SLC4A8: variants seen among roughly 807,000 people sequenced by gnomAD.
SLC4A8 encodes the protein solute carrier family 4 member 8, also known as electroneutral sodium bicarbonate exchanger 1.
Under a neutral mutation model 125.0 loss-of-function variants are expected in SLC4A8, and 40 were observed. The observed-to-expected ratio is 0.32, with a 90% CI of 0.25 to 0.42. The LOEUF is 0.42. Ranked by LOEUF, SLC4A8 falls within the 10% of genes least tolerant of loss-of-function variation. The pLI is 1.00. For synonymous variants in SLC4A8, 456 were observed against 476.0 expected (o/e 0.96, Z 0.55); for missense variants, 863 against 1,355.1 (o/e 0.64, Z 5.70).
At chr12:51,487,857 G>A (rs1245629193) in intron 17 of SLC4A8, among the ~76,000 whole-genome samples, 1 of 152,236 alleles carries the variant, frequency 6.6e-6, no homozygotes, top group Non-Finnish European at 1.5e-5. Flanking sequence ...ATTCCATGCA[G>A]ATGGCTCCAC....
upstream of SLC4A8, among the ~76,000 whole-genome samples, chr12:51,423,415 A>T (rs1282802313): frequency 6.6e-6 from 1 of 152,204 alleles, no homozygotes; most frequent in Non-Finnish European, 1.5e-5. Flanking sequence ...TGAGGGTAGG[A>T]TGTGAATTCC....
In SLC4A8 at chr12:51,471,499, T is replaced by G; in HGVS notation, c.1871T>G (p.Met624Arg). The change falls in exon 14 of 25, where the codon ATG becomes AGG. Residue 624 changes from methionine to arginine, a missense_variant. Physicochemically the swap from Met to Arg is moderately conservative, Grantham distance 91. Transcript: ENST00000453097. ...CTGGCAGAGACCTACCCCATCCACA[T>G]GCACAGCCAGCTGGACCACCTTAGC... ...IHLAETYPIH[M>R]HSQLDHLSLY... 6.2e-7 allele frequency: 1 copy of G among 1,614,228 alleles called. No homozygotes were observed. Among genetic ancestry groups the G allele is most frequent in the Non-Finnish European group, 8.5e-7 (1 of 1,180,032 alleles).
At chr12:51,434,086 G>A (rs1565772737) in intron 1 of SLC4A8, among the ~76,000 whole-genome samples, 1 of 151,914 alleles carries the variant, frequency 6.6e-6, no homozygotes, top group Admixed American at 6.6e-5. Context: ...TGTTGCCCAG[G>A]CTGGTCTCGA....
chr12:51,416,211 G>GTTT lies in SLC4A8; in HGVS notation c.-111-24478_-111-24476dup, dbSNP rs57565585. Among the ~76,000 whole-genome samples the GTTT allele has an allele frequency of 8.4e-3, 690 of 82,446 alleles. 28 individuals are homozygous for GTTT. The highest frequency in any genetic ancestry group is 0.033 in the Middle Eastern group (3 of 92). The allele number at this position is 82,446 out of a possible 152,430, so 54.1% of individuals were successfully genotyped here. A position where few individuals can be genotyped will look rare whatever the true frequency, so the allele number is the denominator to read the frequency against. On this transcript the variant is annotated intron_variant, in intron 1 of 24. Transcript: ENST00000358657. Reference sequence around the variant, plus strand: ...TTTGCCTGTTTGATGGAGGTCTTTTGTTTTTTTTTTTTTTTTTTTTTGAGA... The same window carrying GTTT: ...TTTGCCTGTTTGATGGAGGTCTTTTGTTTTTTTTTTTTTTTTTTTTTTTTGAGA...
Position 51,460,177 on chromosome 12 carries a change from C to T in SLC4A8, c.1013+69C>T. On this transcript the variant is annotated intron_variant, in intron 8 of 24. Transcript: ENST00000453097. ...ATTTATGTAGTGCTGGTAGAAGAAA[C>T]CACTTAATACTGAAATTTAGAATTA... 2.6e-6 allele frequency: 3 copies of T among 1,156,862 alleles called. No individual in the cohort carries two copies. In the South Asian group the frequency reaches 3.7e-5, roughly 14 times the overall value. The allele number at this position is 1,156,862 out of a possible 1,614,324, so 71.7% of individuals were successfully genotyped here.
In SLC4A8 at chr12:51,433,857, T is replaced by G. The variant is rs1221257486; in HGVS notation, c.49-6851T>G. Among the ~76,000 whole-genome samples, 9 of 59,154 alleles carry G rather than the reference T, an allele frequency of 1.5e-4. 1 individual carries two copies. Among genetic ancestry groups the G allele is most frequent in the African/African-American group, 4.7e-4 (7 of 14,858 alleles). The allele number at this position is 59,154 out of a possible 152,430, so 38.8% of individuals were successfully genotyped here. On this transcript the variant is annotated intron_variant, in intron 1 of 24. Transcript: ENST00000453097. ...AACAATGAACACACCATCTGTTTTTTTTTTTTTTTTTTTTTTTTTTTGGTT... is the reference window on the plus strand; with the variant it reads ...AACAATGAACACACCATCTGTTTTTGTTTTTTTTTTTTTTTTTTTTTGGTT...
At chr12:51,396,893 A>G (rs1948273344) in intron 1 of SLC4A8, among the ~76,000 whole-genome samples, 1 of 150,304 alleles carries the variant, frequency 6.7e-6, no homozygotes, top group Admixed American at 6.6e-5. Flanking sequence ...TCCAAAATGG[A>G]ATTTATTATG....
chr12:51,448,572 G>T (rs1051834951), intron 2 of SLC4A8, among the ~76,000 whole-genome samples: 1 of 152,208 alleles, frequency 6.6e-6, no homozygotes, highest in Non-Finnish European at 1.5e-5. Flanking sequence ...CTTTCCTTTG[G>T]TGGCTTGTTG....
At position 51,479,103 on chromosome 12, in the gene SLC4A8, T is replaced by C. The variant is rs149841036; in HGVS notation, c.2172+3897T>C. Reference sequence around the variant, plus strand: ...TTCTCTTCTCTGACATTTTATTCAATTTGGGAACAGATGGGATTGGCAGGA... The same window carrying C: ...TTCTCTTCTCTGACATTTTATTCAACTTGGGAACAGATGGGATTGGCAGGA... On this transcript the variant is annotated intron_variant, in intron 16 of 24. Coordinates refer to ENST00000453097, the MANE Select transcript of SLC4A8 (RefSeq NM_001039960.3). 4.1e-3 allele frequency among the ~76,000 whole-genome samples: 619 copies of C among 152,338 alleles called. 2 individuals carry two copies. The highest frequency in any genetic ancestry group is 7.2e-3 in the Non-Finnish European group (491 of 68,030).
Position 51,510,622 on chromosome 12 carries a change from G to A in SLC4A8, c.*3184G>A, listed in dbSNP as rs1171851435. ...GTCTGTAAGATGCAAGATCAATCTA[G>A]TGTTTCAGCCAGTTCACTACTGACA... is the stretch of plus-strand genomic sequence containing the variant. On this transcript the variant is annotated 3_prime_UTR_variant, in exon 25 of 25. Coordinates refer to ENST00000453097, the MANE Select transcript of SLC4A8 (RefSeq NM_001039960.3). 1.3e-5 allele frequency: 2 copies of A among 152,166 alleles called. No individual in the cohort carries two copies. Among genetic ancestry groups the A allele is most frequent in the African/African-American group, 2.4e-5 (1 of 41,450 alleles). The allele number at this position is 152,166 out of a possible 1,614,324, so 9.4% of individuals were successfully genotyped here.
intron 22 of SLC4A8, among the ~76,000 whole-genome samples, chr12:51,499,683 G>A (rs1489767315): frequency 1.3e-5 from 2 of 150,638 alleles, no homozygotes; most frequent in African/African-American, 2.4e-5. Flanking sequence ...GTAGTGATAT[G>A]TTTTAAGAAG....
At chr12:51,499,459 A>C (rs1373868478) in intron 22 of SLC4A8, among the ~76,000 whole-genome samples, 2 of 152,154 alleles carry the variant, frequency 1.3e-5, no homozygotes, top group Admixed American at 6.5e-5. Context: ...TTCTTCCTCC[A>C]TATTTATTGA....
At chr12:51,455,943 A>G (rs1021285683) in intron 5 of SLC4A8, among the ~76,000 whole-genome samples, 2 of 152,188 alleles carry the variant, frequency 1.3e-5, no homozygotes, top group Non-Finnish European at 2.9e-5. Flanking sequence ...CCTGGGAGCT[A>G]TTGAAGCTGT....
chr12:51,470,948 T>G (rs1950674954), intron 13 of SLC4A8, among the ~76,000 whole-genome samples: 2 of 152,168 alleles, frequency 1.3e-5, no homozygotes, highest in South Asian at 2.1e-4. Flanking sequence ...CAATCTTTTC[T>G]TTTTTCCTTT....
intron 1 of SLC4A8, among the ~76,000 whole-genome samples, chr12:51,409,022 T>C (rs962331500): frequency 1.5e-5 from 2 of 130,120 alleles, no homozygotes; most frequent in African/African-American, 6.2e-5. Context: ...AGAATTAGCA[T>C]ATATATATAC....
chr12:51,470,649 G>C, intron 13 of SLC4A8, 124 bp downstream of exon 13: 2 of 900,458 alleles, frequency 2.2e-6, no homozygotes, highest in South Asian at 3.4e-5. Flanking sequence ...AACCTGAAAG[G>C]AGACCATCAT....
intron 1 of SLC4A8, among the ~76,000 whole-genome samples, chr12:51,413,088 TGTC>T (rs1023332084): frequency 1.3e-5 from 2 of 152,256 alleles, no homozygotes; most frequent in African/African-American, 4.8e-5. Context: ...CGTGTTTTTT[TGTC>T]TTTTTGTTAA....
chr12:51,433,883 GGTTT>G (rs1949303319), intron 1 of SLC4A8, among the ~76,000 whole-genome samples: 1 of 24,048 alleles, frequency 4.2e-5, no homozygotes, highest in Non-Finnish European at 8.2e-5. Flanking sequence ...TTTTTTGGTT[GGTTT>G]TTTTTTGAGA....
In SLC4A8 at chr12:51,463,675, A is replaced by ATGG; in HGVS notation, c.1311_1313dup (p.Gly439dup). On this transcript the variant is annotated inframe_insertion, in exon 11 of 25. Coordinates refer to ENST00000453097, the MANE Select transcript of SLC4A8 (RefSeq NM_001039960.3). Reference sequence around the variant, plus strand: ...GTTTGCCACATAGAACAGGAACCACATGGGGGTCACAGTGGGCCAGAACTT... The same window carrying ATGG: ...GTTTGCCACATAGAACAGGAACCACATGGTGGGGGTCACAGTGGGCCAGAACTT... 1 of 1,614,124 alleles carries ATGG rather than the reference A, an allele frequency of 6.2e-7. No homozygotes were observed. Among genetic ancestry groups the ATGG allele is most frequent in the Non-Finnish European group, 8.5e-7 (1 of 1,179,954 alleles).
Sources: allele counts gnomAD v4.1 joint callset (sites outside exome capture counted in the v4.1 genomes callset), GRCh38; gene constraint gnomAD v4.1.1; transcripts MANE v1.5; gene names NCBI Gene and HGNC (gene_info 2026-07-23, HGNC 2026-07-21).